Variants in ABTB3 observed in about 807,000 individuals in gnomAD.
The protein encoded by ABTB3 is ankyrin repeat- and BTB/POZ domain-containing protein 3.
the ABTB3 span, among the ~76,000 whole-genome samples, chr12:107,410,755 G>C: frequency 1.3e-5 from 2 of 152,182 alleles, no homozygotes; most frequent in South Asian, 4.1e-4. Context: ...GAAAGGGAGA[G>C]AGTGGAGGAG....
the ABTB3 span, among the ~76,000 whole-genome samples, chr12:107,637,412 G>A: frequency 6.6e-6 from 1 of 151,578 alleles, no homozygotes; most frequent in African/African-American, 2.4e-5. Flanking sequence ...AAAAAAAAAT[G>A]TTTTTAAGTG....
chr12:107,332,107 A>C, the ABTB3 span, among the ~76,000 whole-genome samples: 1 of 152,220 alleles, frequency 6.6e-6, no homozygotes, highest in Non-Finnish European at 1.5e-5. Flanking sequence ...CCCACAGTGC[A>C]TGGGAAGGCG....
the ABTB3 span, among the ~76,000 whole-genome samples, chr12:107,410,961 G>A: frequency 6.6e-6 from 1 of 152,164 alleles, no homozygotes; most frequent in Non-Finnish European, 1.5e-5. Context: ...CTAGAGCTGT[G>A]CTATCCAGTA....
chr12:107,580,988 C>G, the ABTB3 span: 1 of 1,551,962 alleles, frequency 6.4e-7, no homozygotes, highest in African/African-American at 1.4e-5. Flanking sequence ...AAGGCTCTCC[C>G]ACTACTCTGG....
At chr12:107,435,158 C>A in the ABTB3 span, among the ~76,000 whole-genome samples, 19 of 152,294 alleles carry the variant, frequency 1.2e-4, no homozygotes, top group Middle Eastern at 3.4e-3. Context: ...AACATACATG[C>A]CTCTGAGTTC....
At chr12:107,499,594 G>A in the ABTB3 span, among the ~76,000 whole-genome samples, 10 of 152,076 alleles carry the variant, frequency 6.6e-5, no homozygotes, top group African/African-American at 2.4e-4. Context: ...CATGGCTGGG[G>A]AGGCCTCAGG....
chr12:107,359,773 G>A, the ABTB3 span, among the ~76,000 whole-genome samples: 1 of 151,994 alleles, frequency 6.6e-6, no homozygotes, highest in African/African-American at 2.4e-5. Context: ...CAAGCCTCAG[G>A]GACTTTAAGT....
At chr12:107,387,710 C>G in the ABTB3 span, among the ~76,000 whole-genome samples, 1 of 152,164 alleles carries the variant, frequency 6.6e-6, no homozygotes, top group Non-Finnish European at 1.5e-5. Context: ...GTCCCTGGGA[C>G]CTTCCTAGAC....
At chr12:107,461,474 G>A in the ABTB3 span, among the ~76,000 whole-genome samples, 4 of 152,142 alleles carry the variant, frequency 2.6e-5, no homozygotes, top group African/African-American at 9.7e-5. Context: ...AGCCAGGAGA[G>A]GGGCACAAGT....
chr12:107,482,407 C>T, the ABTB3 span, among the ~76,000 whole-genome samples: 1 of 152,154 alleles, frequency 6.6e-6, no homozygotes, highest in African/African-American at 2.4e-5. Flanking sequence ...CAAGATCTCA[C>T]TTTGCTCTCT....
At chr12:107,433,866 G>A in the ABTB3 span, among the ~76,000 whole-genome samples, 7 of 152,326 alleles carry the variant, frequency 4.6e-5, no homozygotes, top group East Asian at 1.9e-4. Flanking sequence ...GGAAGTCCAA[G>A]ATCAGGGATC....
chr12:107,383,654 C>CT, the ABTB3 span, among the ~76,000 whole-genome samples: 1 of 152,178 alleles, frequency 6.6e-6, no homozygotes, highest in Non-Finnish European at 1.5e-5. Flanking sequence ...CTCTGCCTAC[C>CT]TTTCAGAGAT....
chr12:107,527,266 TAA>T, the ABTB3 span, among the ~76,000 whole-genome samples: 9 of 148,364 alleles, frequency 6.1e-5, no homozygotes, highest in African/African-American at 2.3e-4. Flanking sequence ...GTAAATCCCA[TAA>T]GAGTTGAAAC....
the ABTB3 span, among the ~76,000 whole-genome samples, chr12:107,430,693 G>A: frequency 4.9e-4 from 75 of 152,294 alleles, no homozygotes; most frequent in East Asian, 0.014. Context: ...GACTTTAGTG[G>A]AAATATCTCT....
chr12:107,335,245 C>T, the ABTB3 span, among the ~76,000 whole-genome samples: 1 of 121,842 alleles, frequency 8.2e-6, no homozygotes, highest in Non-Finnish European at 1.6e-5. Context: ...TATGATCATG[C>T]CACTATATTC....
chr12:107,618,474 C>T, the ABTB3 span: 1 of 1,048,256 alleles, frequency 9.5e-7, no homozygotes. Context: ...CATACACATG[C>T]AAAACACGCA....
chr12:107,561,806 C>T, the ABTB3 span, among the ~76,000 whole-genome samples: 2 of 152,176 alleles, frequency 1.3e-5, no homozygotes, highest in African/African-American at 4.8e-5. Flanking sequence ...CTCCAATTCA[C>T]ACAGAATCCC....
chr12:107,597,881 G>C, the ABTB3 span, among the ~76,000 whole-genome samples: 2 of 152,146 alleles, frequency 1.3e-5, no homozygotes, highest in African/African-American at 4.8e-5. Context: ...GTCACCTTCT[G>C]TTTTTTAAAT....
chr12:107,474,971 GAGCTCTCCTGACTCCCA>G, the ABTB3 span, among the ~76,000 whole-genome samples: 1 of 152,224 alleles, frequency 6.6e-6, no homozygotes, highest in African/African-American at 2.4e-5. Context: ...AAAAGGGGCT[GAGCTCTCCTGACTCCCA>G]GGCCCCTGAC....
Sources: allele counts gnomAD v4.1 joint callset (sites outside exome capture counted in the v4.1 genomes callset), GRCh38; gene constraint gnomAD v4.1.1; transcripts MANE v1.5; gene names NCBI Gene and HGNC (gene_info 2026-07-23, HGNC 2026-07-21).